EPHA2: variants seen among roughly 807,000 people sequenced by gnomAD.
EPHA2 encodes ephrin type-A receptor 2.
In EPHA2, 54 loss-of-function variants were observed where a neutral mutation model predicts 104.9. The observed-to-expected ratio is 0.51, with a 90% confidence interval of 0.41 to 0.65. The LOEUF (loss-of-function observed/expected upper bound fraction) is 0.65, where lower values mean the gene tolerates loss of function less well. Ranked by LOEUF, EPHA2 falls within the 30% of genes least tolerant of loss-of-function variation. EPHA2 has a pLI of 0.00. For missense variants in EPHA2, 1,117 were observed against 1,369.5 expected, an observed-to-expected ratio of 0.82 and a Z score of 2.91; for synonymous variants, 560 against 559.1, an observed-to-expected ratio of 1.00 and a Z score of -0.02.
chr1:16,148,829 G>A lies in EPHA2; in HGVS notation c.372C>T (p.Ala124=), dbSNP rs201623960. The stretch of plus-strand genomic sequence containing the variant: ...TGGTGCCGTAGTCCAGGTCCGACTC[G>A]GCATAGTAGAGGTTGAAAGTCTCCT... The part of the protein sequence containing the change: ...SCKETFNLYY[A]ESDLDYGTNF... Residue 124 remains alanine, a synonymous_variant, in exon 3 of 17, where the codon GCC becomes GCT. Transcript: ENST00000358432. The surrounding 1 kb of genome is among the most constrained non-coding windows in gnomAD (Gnocchi z 4.9). 1.5e-5 allele frequency: 25 copies of A among 1,614,118 alleles called. No individual in the cohort carries two copies. In the Middle Eastern group the frequency reaches 1.2e-3, roughly 75 times the overall value.
chr1:16,125,132 A>C lies in EPHA2; in HGVS notation c.*83T>G. On this transcript the variant is annotated 3_prime_UTR_variant, in exon 17 of 17. Transcript: ENST00000358432. This position sits in a 1 kb window ranked among gnomAD's most constrained non-coding sequence, Gnocchi z 4.9. Reference sequence around the variant, plus strand: ...AGAACTAGAAATAAATAAAGTCCCCAGTGGCCCAGCATGGCACAGCAGGGA... The same window carrying C: ...AGAACTAGAAATAAATAAAGTCCCCCGTGGCCCAGCATGGCACAGCAGGGA... 2 of 1,275,196 alleles carry C rather than the reference A, an allele frequency of 1.6e-6. No individual in the cohort carries two copies. Among genetic ancestry groups the C allele is most frequent in the Non-Finnish European group, 1.1e-6 (1 of 888,826 alleles). The allele number at this position is 1,275,196 out of a possible 1,614,324, so 79.0% of individuals were successfully genotyped here. A position where few individuals can be genotyped will look rare whatever the true frequency, so the allele number is the denominator to read the frequency against.
Position 16,138,056 on chromosome 1 carries a change from C to T in EPHA2, c.1109G>A (p.Trp370Ter). 1 of 1,613,120 alleles carries T rather than the reference C, an allele frequency of 6.2e-7. No homozygotes were observed. The highest frequency in any genetic ancestry group is 8.5e-7 in the Non-Finnish European group (1 of 1,179,958). The change falls in exon 5 of 17, where the codon TGG (tryptophan) becomes TAG (stop). Residue 370 changes from tryptophan (W) to a stop codon, truncating the protein, a stop_gained. Coordinates refer to ENST00000358432, the MANE Select transcript of EPHA2 (RefSeq NM_004431.5). LOFTEE classifies it high-confidence loss of function. The stretch of plus-strand genomic sequence containing the variant: ...CGGCCCGCATTCCCCAGACTCGGGC[C>T]AGCACTGTTCGCAGGTGACGCTGTA... ...IVYSVTCEQC[W>*]PESGECGPCE...
chr1:16,133,931 G>A lies in EPHA2; in HGVS notation c.1683-16C>T, dbSNP rs754129907. The A allele has an allele frequency of 5.8e-6, 9 of 1,550,488 alleles. No homozygotes were observed. The highest frequency in any genetic ancestry group is 2.4e-5 in the East Asian group (1 of 40,920). On this transcript the variant is annotated splice_polypyrimidine_tract_variant and intron_variant, in intron 8 of 16. Coordinates refer to ENST00000358432, the MANE Select transcript of EPHA2 (RefSeq NM_004431.5). Reference sequence around the variant, plus strand: ...GTTCTTCCTCCTGAAAGAGCCCCACGGGGAACCAAATGCAGGGAGGTCAGT... The same window carrying A: ...GTTCTTCCTCCTGAAAGAGCCCCACAGGGAACCAAATGCAGGGAGGTCAGT...
chr1:16,150,780 G>T lies in EPHA2; in HGVS notation c.153+116C>A. On this transcript the variant is annotated intron_variant, in intron 2 of 16. Transcript: ENST00000358432. The surrounding 1 kb of genome is among the most constrained non-coding windows in gnomAD (Gnocchi z 4.8). ...AGCTGGACCCTGAGCCTGAGACCTGGCTGAGCTGCTGAATTGAAGCCAGGC... is the reference window on the plus strand; with the variant it reads ...AGCTGGACCCTGAGCCTGAGACCTGTCTGAGCTGCTGAATTGAAGCCAGGC... 1 of 1,174,104 alleles carries T rather than the reference G, an allele frequency of 8.5e-7. No homozygotes were observed. The highest frequency in any genetic ancestry group is 1.3e-6 in the Non-Finnish European group (1 of 793,632). 72.7% of individuals were successfully genotyped at this position (1,174,104 alleles called of 1,614,324 possible).
rs146510107 is a variant in EPHA2, at chr1:16,139,306, C to T, written c.824-876G>A. 2.4e-3 allele frequency among the ~76,000 whole-genome samples: 363 copies of T among 152,306 alleles called. 1 individual carries two copies. Among genetic ancestry groups the T allele is most frequent in the African/African-American group, 8.3e-3 (347 of 41,576 alleles). ...GGGCTGTCCAGGGCTTGGGCAGCTGCTGAAGTGGCCAGGGTGGGTAGAGGT... is the reference window on the plus strand; with the variant it reads ...GGGCTGTCCAGGGCTTGGGCAGCTGTTGAAGTGGCCAGGGTGGGTAGAGGT... On this transcript the variant is annotated intron_variant, in intron 3 of 16. Transcript: ENST00000358432.
At chr1:16,133,114 A>G in intron 11 of EPHA2, 66 bp downstream of exon 11, 1 of 1,597,682 alleles carries the variant, frequency 6.3e-7, no homozygotes, top group Non-Finnish European at 8.5e-7. Context: ...AGGTGGGCAC[A>G]GTCACAGACA....
At chr1:16,149,580 T>C (rs2024999636) in intron 2 of EPHA2, among the ~76,000 whole-genome samples, 1 of 152,228 alleles carries the variant, frequency 6.6e-6, no homozygotes, top group Non-Finnish European at 1.5e-5. Context: ...CATTTAGAAT[T>C]TGGCTTTGCA....
In EPHA2 at chr1:16,135,772, T is replaced by TG; in HGVS notation, c.1313-3dup. 6.2e-7 allele frequency: 1 copy of TG among 1,604,930 alleles called. No individual in the cohort carries two copies. Among genetic ancestry groups the TG allele is most frequent in the Non-Finnish European group, 8.5e-7 (1 of 1,173,188 alleles). On this transcript the variant is annotated splice_region_variant and splice_polypyrimidine_tract_variant and intron_variant, in intron 5 of 16. Coordinates refer to ENST00000358432, the MANE Select transcript of EPHA2 (RefSeq NM_004431.5). The surrounding 1 kb of genome is among the most constrained non-coding windows in gnomAD (Gnocchi z 4.3). ...CCTCCAGCCTCACCTTGGGGGGCTC[T>TG]GGGCAGGACAGGCAGTGGGGGAAGT...
rs1405735245 is a variant in EPHA2, at chr1:16,132,276, G to A, written c.2116-3C>T. 3.7e-6 allele frequency: 6 copies of A among 1,613,918 alleles called. No homozygotes were observed. The highest frequency in any genetic ancestry group is 5.1e-6 in the Non-Finnish European group (6 of 1,180,024). Reference sequence around the variant, plus strand: ...ACGCTGAACTCGCCATCCTTCTCCTGCCGGAGCACAGGCGCTCAGCTGCAG... The same window carrying A: ...ACGCTGAACTCGCCATCCTTCTCCTACCGGAGCACAGGCGCTCAGCTGCAG... On this transcript the variant is annotated splice_region_variant and splice_polypyrimidine_tract_variant and intron_variant, in intron 12 of 16. Transcript: ENST00000358432.
In EPHA2 at chr1:16,132,270, TCTC is replaced by T. The variant is rs1408860302; in HGVS notation, c.2116_2118del (p.Glu706del). Reference sequence around the variant, plus strand: ...TGCAGCACGCTGAACTCGCCATCCTTCTCCTGCCGGAGCACAGGCGCTCAGCTG... The same window carrying T: ...TGCAGCACGCTGAACTCGCCATCCTTCTGCCGGAGCACAGGCGCTCAGCTG... On this transcript the variant is annotated inframe_deletion and splice_region_variant, in exon 13 of 17. Coordinates refer to ENST00000358432, the MANE Select transcript of EPHA2 (RefSeq NM_004431.5). 3 of 1,613,954 alleles carry T rather than the reference TCTC, an allele frequency of 1.9e-6. No homozygotes were observed. The highest frequency in any genetic ancestry group is 1.3e-5 in the African/African-American group (1 of 75,018).
rs913427230 is a variant in EPHA2, at chr1:16,131,369, G to A, written c.2475+352C>T. On this transcript the variant is annotated intron_variant, in intron 14 of 16. Transcript: ENST00000358432. This position sits in a 1 kb window ranked among gnomAD's most constrained non-coding sequence, Gnocchi z 5.2. Reference sequence around the variant, plus strand: ...CTGAGGCATGTGGATCACCTGAAGCGAGGAGCTAGAGACCAGCCTGGCCAA... The same window carrying A: ...CTGAGGCATGTGGATCACCTGAAGCAAGGAGCTAGAGACCAGCCTGGCCAA... Among the ~76,000 whole-genome samples the A allele has an allele frequency of 1.1e-4, 16 of 152,142 alleles. No homozygotes were observed. The highest frequency in any genetic ancestry group is 3.4e-3 in the Middle Eastern group (1 of 294).
rs1450676249 is a variant in EPHA2, at chr1:16,125,995, A to G, written c.2826-675T>C. 6.6e-6 allele frequency among the ~76,000 whole-genome samples: 1 copy of G among 152,194 alleles called. No individual in the cohort carries two copies. Among genetic ancestry groups the G allele is most frequent in the Non-Finnish European group, 1.5e-5 (1 of 68,030 alleles). On this transcript the variant is annotated intron_variant, in intron 16 of 16. Coordinates refer to ENST00000358432, the MANE Select transcript of EPHA2 (RefSeq NM_004431.5). The surrounding 1 kb of genome is among the most constrained non-coding windows in gnomAD (Gnocchi z 4.9). ...TCATGGGTGAGGCTTGCGGGTCACC[A>G]GATCCAGTGACTAGGAAGATGTCTT...
intron 1 of EPHA2, chr1:16,155,063 G>A (rs1444821260): frequency 6.6e-6 from 1 of 152,202 alleles, no homozygotes; most frequent in Non-Finnish European, 1.5e-5. Context: ...GGGCGGGGGT[G>A]GGTGATTCAG....
intron 16 of EPHA2, among the ~76,000 whole-genome samples, chr1:16,127,760 G>C (rs930486004): frequency 6.6e-6 from 1 of 152,124 alleles, no homozygotes; most frequent in Non-Finnish European, 1.5e-5. Context: ...TGGGTGGTGG[G>C]GGGCGCCGAA....
chr1:16,154,657 G>A (rs1451202883), intron 1 of EPHA2, among the ~76,000 whole-genome samples: 2 of 146,016 alleles, frequency 1.4e-5, no homozygotes, highest in African/African-American at 5.0e-5. Flanking sequence ...AGGGAGGCTT[G>A]AGACAGGAGA....
chr1:16,133,080 G>T, intron 11 of EPHA2, 100 bp downstream of exon 11: 1 of 1,510,196 alleles, frequency 6.6e-7, no homozygotes, highest in Non-Finnish European at 9.0e-7. Context: ...AGGTGTGGGG[G>T]GAAGGTGGGC....
intron 2 of EPHA2, 141 bp from the exon 3 acceptor site, chr1:16,149,188 G>T: frequency 1.1e-6 from 1 of 906,492 alleles, no homozygotes; most frequent in African/African-American, 1.6e-5. Context: ...CCTGAGGCGG[G>T]TGGGGGCTGC....
rs1014275617 is a variant in EPHA2 at position 16,143,654 on chromosome 1, A to G, written c.823+4724T>C. On this transcript the variant is annotated intron_variant, in intron 3 of 16. Coordinates refer to ENST00000358432, the MANE Select transcript of EPHA2 (RefSeq NM_004431.5). ...CCAGTGGAGCCCCTCCTCCCAAGGC[A>G]CAGCCACCTCCCAGGCTGGCAATGG... is the stretch of plus-strand genomic sequence containing the variant. Among the ~76,000 whole-genome samples, 6 of 152,232 alleles carry G rather than the reference A, an allele frequency of 3.9e-5. No homozygotes were observed. The East Asian group carries it at 1.2e-3, about 29-fold the overall frequency.
intron 1 of EPHA2, among the ~76,000 whole-genome samples, chr1:16,153,928 T>C (rs544972469): frequency 8.6e-4 from 131 of 151,506 alleles, no homozygotes; most frequent in African/African-American, 2.8e-3. Context: ...GGCACACTTC[T>C]CTAGGGACTC....
Sources: gnomAD v4.1 joint callset for allele counts (sites outside exome capture counted in the v4.1 genomes callset) on GRCh38, gnomAD v4.1.1 for gene constraint, Gnocchi (gnomAD v3.1) non-coding constraint, MANE v1.5 for transcripts, NCBI Gene and HGNC (gene_info 2026-07-23, HGNC 2026-07-21) for gene names.